KIF21A: variants seen among roughly 807,000 people sequenced by gnomAD.
KIF21A encodes kinesin family member 21A, also known as kinesin-like protein KIF21A.
Under a neutral mutation model 202.9 loss-of-function variants are expected in KIF21A, and 114 were observed. The ratio of observed to expected loss-of-function variants is 0.56; its 90% CI spans 0.48 to 0.66. KIF21A has a LOEUF of 0.66. Among genes scored for constraint, KIF21A ranks in the 30% least tolerant of loss-of-function variants. The pLI is 0.00. For missense variants in KIF21A, 1,677 were observed against 1,994.9 expected (o/e 0.84, Z 3.04); for synonymous variants, 667 against 670.8 (o/e 0.99, Z 0.09).
chr12:39,442,876 C>T lies in KIF21A; in HGVS notation c.44+51G>A. On this transcript the variant is annotated intron_variant, in intron 1 of 37. Transcript: ENST00000361418. The surrounding 1 kb of genome is among the most constrained non-coding windows in gnomAD (Gnocchi z 5.0). ...GCTCCGCGCCACAGCCAGGTCCTTG[C>T]CGCGCCCTCAACCCGCCGCCCGCCG... is the stretch of plus-strand genomic sequence containing the variant. 6.6e-7 allele frequency: 1 copy of T among 1,520,772 alleles called. No homozygotes were observed. The highest frequency in any genetic ancestry group is 1.2e-5 in the South Asian group (1 of 82,938). 94.2% of individuals were successfully genotyped at this position (1,520,772 alleles called of 1,614,324 possible).
At chr12:39,330,283 A>C in intron 23 of KIF21A, 21 bp from the exon 24 acceptor site, 2 of 1,610,396 alleles carry the variant, frequency 1.2e-6, no homozygotes, top group Non-Finnish European at 1.7e-6. Context: ...AACAGCAAAA[A>C]GGAAACAAAA....
rs781537434 is a variant in KIF21A at position 39,442,737 on chromosome 12, C to A, written c.44+190G>T. ...AGACGGCGTGAGGGCGGCGCAGTCG[C>A]CCTGCCAGCACCCGGCCGCGCGTGC... On this transcript the variant is annotated intron_variant, in intron 1 of 37. Transcript: ENST00000361418. This position sits in a 1 kb window ranked among gnomAD's most constrained non-coding sequence, Gnocchi z 5.0. Among the ~76,000 whole-genome samples the A allele has an allele frequency of 1.4e-4, 21 of 152,264 alleles. No homozygotes were observed. Among genetic ancestry groups the A allele is most frequent in the South Asian group, 2.1e-4 (1 of 4,830 alleles).
intron 26 of KIF21A, among the ~76,000 whole-genome samples, chr12:39,323,664 C>T (rs1945535562): frequency 6.6e-6 from 1 of 152,186 alleles, no homozygotes; most frequent in Non-Finnish European, 1.5e-5. Context: ...AAAGTACTAA[C>T]AGATAATCAA....
At chr12:39,299,334 A>C (rs542624494) in intron 37 of KIF21A, among the ~76,000 whole-genome samples, 1 of 152,332 alleles carries the variant, frequency 6.6e-6, no homozygotes, top group South Asian at 2.1e-4. Flanking sequence ...GAAGACATAC[A>C]TGCCGCTAAC....
intron 17 of KIF21A, among the ~76,000 whole-genome samples, chr12:39,334,200 C>CAAAAAAAAAA (rs576176350): frequency 9.4e-5 from 6 of 63,740 alleles, no homozygotes; most frequent in South Asian, 4.3e-4. Flanking sequence ...GACTCCATCT[C>CAAAAAAAAAA]AAAAAAAAAA....
intron 37 of KIF21A, among the ~76,000 whole-genome samples, chr12:39,295,415 A>G (rs1390941118): frequency 1.3e-5 from 2 of 152,186 alleles, no homozygotes; most frequent in Non-Finnish European, 2.9e-5. Flanking sequence ...CATGGAATTT[A>G]ATAGTTAAAA....
intron 11 of KIF21A, among the ~76,000 whole-genome samples, chr12:39,350,776 A>G (rs1164583784): frequency 6.6e-6 from 1 of 152,052 alleles, no homozygotes; most frequent in Non-Finnish European, 1.5e-5. Context: ...ACTCAGGAAC[A>G]CAAAGCAGAA....
At chr12:39,369,957 C>T in intron 2 of KIF21A, 46 bp from the exon 3 acceptor site, 3 of 1,595,758 alleles carry the variant, frequency 1.9e-6, no homozygotes, top group Non-Finnish European at 2.6e-6. Flanking sequence ...CTTAACATAA[C>T]CTTAAGAAAC....
In KIF21A at chr12:39,442,847, C is replaced by G. The variant is rs1295687452; in HGVS notation, c.44+80G>C. On this transcript the variant is annotated intron_variant, in intron 1 of 37. Coordinates refer to ENST00000361418, the MANE Select transcript of KIF21A (RefSeq NM_001173464.2). The surrounding 1 kb of genome is among the most constrained non-coding windows in gnomAD (Gnocchi z 5.0). ...CCTCAGGTCGCTCCACCCCGGTAGCCGGTGCTCCGCGCCACAGCCAGGTCC... is the reference window on the plus strand; with the variant it reads ...CCTCAGGTCGCTCCACCCCGGTAGCGGGTGCTCCGCGCCACAGCCAGGTCC... The G allele has an allele frequency of 5.2e-5, 77 of 1,488,190 alleles. No homozygotes were observed. Among genetic ancestry groups the G allele is most frequent in the South Asian group, 4.0e-4 (33 of 81,766 alleles). 92.2% of individuals were successfully genotyped at this position (1,488,190 alleles called of 1,614,324 possible).
intron 1 of KIF21A, among the ~76,000 whole-genome samples, chr12:39,375,220 A>C (rs1016849555): frequency 1.3e-5 from 2 of 152,184 alleles, no homozygotes; most frequent in African/African-American, 4.8e-5. Flanking sequence ...AAATAAAACA[A>C]AAGTTTTAAA....
intron 1 of KIF21A, among the ~76,000 whole-genome samples, chr12:39,403,710 CA>C (rs1952356568): frequency 6.6e-6 from 1 of 152,118 alleles, no homozygotes; most frequent in Non-Finnish European, 1.5e-5. Flanking sequence ...GAACTCTACA[CA>C]AACATGTTAT....
chr12:39,304,278 A>T (rs1231213901), intron 35 of KIF21A, among the ~76,000 whole-genome samples: 1 of 152,126 alleles, frequency 6.6e-6, no homozygotes, highest in Non-Finnish European at 1.5e-5. Context: ...GTTCCCAGTC[A>T]ACTTCTCTCT....
chr12:39,435,863 G>C (rs1040082833), intron 1 of KIF21A, among the ~76,000 whole-genome samples: 2 of 152,076 alleles, frequency 1.3e-5, no homozygotes, highest in African/African-American at 4.8e-5. Context: ...GACTACATAC[G>C]AATTTTATTT....
intron 1 of KIF21A, among the ~76,000 whole-genome samples, chr12:39,430,078 G>C (rs1425300971): frequency 6.6e-6 from 1 of 151,824 alleles, no homozygotes; most frequent in African/African-American, 2.4e-5. Flanking sequence ...GGCTGGGCAC[G>C]GTGGCTCATG....
intron 30 of KIF21A, 150 bp from the exon 31 acceptor site, chr12:39,315,390 AT>A (rs1163641808): frequency 9.6e-5 from 68 of 705,448 alleles, no homozygotes; most frequent in African/African-American, 7.7e-4. Flanking sequence ...ATGAAAAAAA[AT>A]AACAGTTATT....
intron 1 of KIF21A, among the ~76,000 whole-genome samples, chr12:39,387,893 C>G (rs530014330): frequency 5.3e-5 from 8 of 152,136 alleles, no homozygotes; most frequent in Non-Finnish European, 1.2e-4. Flanking sequence ...AATGCATATT[C>G]TTTTTCCTCC....
chr12:39,376,791 T>C (rs140852880), intron 1 of KIF21A, among the ~76,000 whole-genome samples: 4 of 152,300 alleles, frequency 2.6e-5, no homozygotes, highest in African/African-American at 7.2e-5. Context: ...CTTACACTCC[T>C]ACCCCTTCTA....
chr12:39,325,731 A>G (rs1945832866), intron 26 of KIF21A, 108 bp downstream of exon 26: 1 of 786,084 alleles, frequency 1.3e-6, no homozygotes, highest in South Asian at 1.5e-5. Flanking sequence ...TAGTAAAACC[A>G]TGCCCTCTTG....
At chr12:39,428,850 C>T (rs188757137) in intron 1 of KIF21A, among the ~76,000 whole-genome samples, 1 of 151,048 alleles carries the variant, frequency 6.6e-6, no homozygotes, top group Non-Finnish European at 1.5e-5. Context: ...CCTAGCTACT[C>T]GGGAGGCTGA....
Sources: allele counts gnomAD v4.1 joint callset (sites outside exome capture counted in the v4.1 genomes callset), GRCh38; gene constraint gnomAD v4.1.1; non-coding constraint Gnocchi (gnomAD v3.1); transcripts MANE v1.5; gene names NCBI Gene and HGNC (gene_info 2026-07-23, HGNC 2026-07-21).